QKI: variants seen among roughly 807,000 people sequenced by gnomAD.
QKI encodes the protein QKI, KH domain containing RNA binding.
A neutral mutation model predicts 39.0 loss-of-function variants in QKI; 10 were observed. The ratio of observed to expected loss-of-function variants is 0.26; its 90% CI spans 0.16 to 0.43. QKI has a LOEUF of 0.43. QKI is among the 20% of genes least tolerant of loss of function. The pLI is 1.00. For synonymous variants in QKI, 204 were observed against 155.4 expected (o/e 1.31, Z -2.33); for missense variants, 218 against 428.0 (o/e 0.51, Z 4.33).
intron 6 of QKI, chr6:163,565,142 G>GTT: frequency 1.0e-6 from 1 of 996,328 alleles, no homozygotes; most frequent in Non-Finnish European, 1.2e-6. Flanking sequence ...CCACAGAACT[G>GTT]TTTATGAGAG....
chr6:163,424,833 G>C (rs1788286668), intron 1 of QKI, among the ~76,000 whole-genome samples: 1 of 151,728 alleles, frequency 6.6e-6, no homozygotes, highest in Admixed American at 6.6e-5. Flanking sequence ...GTTTCACCAT[G>C]TTAGCCAGGC....
At chr6:163,570,582 T>C (rs540333194) in intron 7 of QKI, 112 bp from the exon 8 acceptor site, 1 of 1,552,970 alleles carries the variant, frequency 6.4e-7, no homozygotes, top group Admixed American at 2.0e-5. Flanking sequence ...TTTTTATTAG[T>C]TGTGATTAGT....
intron 3 of QKI, among the ~76,000 whole-genome samples, chr6:163,510,862 T>A (rs185540649): frequency 1.1e-3 from 63 of 57,132 alleles, no homozygotes; most frequent in African/African-American, 1.8e-3. Flanking sequence ...TTAATGTAAC[T>A]CTTTCAGCAA....
At chr6:163,454,840 G>C (rs1413700843) in intron 1 of QKI, among the ~76,000 whole-genome samples, 1 of 152,126 alleles carries the variant, frequency 6.6e-6, no homozygotes, top group Non-Finnish European at 1.5e-5. Flanking sequence ...TAATGGAAGT[G>C]GTCCCGTTTA....
intron 7 of QKI, chr6:163,569,527 A>G (rs1382088368): frequency 4.8e-6 from 6 of 1,238,888 alleles, no homozygotes; most frequent in African/African-American, 3.2e-5. Context: ...AAATTATACT[A>G]CTGTTAAGTG....
chr6:163,568,385 AT>A, intron 7 of QKI: 1 of 985,442 alleles, frequency 1.0e-6, no homozygotes, highest in Non-Finnish European at 1.2e-6. Flanking sequence ...GGAAGATTTT[AT>A]TGTATTTGGA....
chr6:163,515,970 T>G (rs930895096), intron 3 of QKI, among the ~76,000 whole-genome samples: 2 of 151,566 alleles, frequency 1.3e-5, no homozygotes, highest in Non-Finnish European at 2.9e-5. Context: ...CTCATTGTGA[T>G]GTAATCTGAT....
intron 3 of QKI, among the ~76,000 whole-genome samples, chr6:163,502,341 C>G (rs1159069489): frequency 2.0e-5 from 3 of 151,966 alleles, no homozygotes; most frequent in Admixed American, 2.0e-4. Flanking sequence ...ACAAAACAAA[C>G]AAACAAACAA....
chr6:163,571,376 ACTG>A lies in QKI; in HGVS notation c.*668_*670del, dbSNP rs1364331724. On this transcript the variant is annotated 3_prime_UTR_variant, in exon 8 of 8. Coordinates refer to ENST00000361752, the MANE Select transcript of QKI (RefSeq NM_006775.3). Reference sequence around the variant, plus strand: ...TTTGAAAAGTAATGCAAATAACAAAACTGCAACACTATTTTTAAAAAGATAAAT... The same window carrying A: ...TTTGAAAAGTAATGCAAATAACAAAACAACACTATTTTTAAAAAGATAAAT... The A allele has an allele frequency of 6.6e-6, 1 of 152,208 alleles. No individual in the cohort carries two copies. Among genetic ancestry groups the A allele is most frequent in the Non-Finnish European group, 1.5e-5 (1 of 68,044 alleles). 9.4% of individuals were successfully genotyped at this position (152,208 alleles called of 1,614,324 possible). A position where few individuals can be genotyped will look rare whatever the true frequency, so the allele number is the denominator to read the frequency against.
At chr6:163,462,578 T>C (rs1330833573) in intron 2 of QKI, among the ~76,000 whole-genome samples, 2 of 152,206 alleles carry the variant, frequency 1.3e-5, no homozygotes, top group Non-Finnish European at 2.9e-5. Flanking sequence ...ATAGTATAAA[T>C]TTGCCATGTT....
At chr6:163,532,239 T>C (rs1780908550) in intron 3 of QKI, among the ~76,000 whole-genome samples, 1 of 152,238 alleles carries the variant, frequency 6.6e-6, no homozygotes, top group Non-Finnish European at 1.5e-5. Context: ...TGTTCCTCAG[T>C]TTTCATTGTA....
intron 4 of QKI, among the ~76,000 whole-genome samples, chr6:163,552,631 G>A (rs949172513): frequency 6.6e-6 from 1 of 152,066 alleles, no homozygotes; most frequent in African/African-American, 2.4e-5. Flanking sequence ...GGACCTGCAT[G>A]GTTCAAGCCC....
At chr6:163,480,724 C>T (rs1338847336) in intron 3 of QKI, among the ~76,000 whole-genome samples, 4 of 152,042 alleles carry the variant, frequency 2.6e-5, no homozygotes, top group Non-Finnish European at 5.9e-5. Context: ...TTCAAATGAA[C>T]GTTGCCATGA....
intron 4 of QKI, among the ~76,000 whole-genome samples, chr6:163,545,486 C>G (rs529799434): frequency 1.2e-3 from 176 of 152,214 alleles, no homozygotes; most frequent in African/African-American, 4.0e-3. Context: ...CTATATAAAT[C>G]TTTGCTTACC....
intron 3 of QKI, among the ~76,000 whole-genome samples, chr6:163,519,062 G>A (rs967177355): frequency 1.3e-5 from 2 of 152,158 alleles, no homozygotes; most frequent in Non-Finnish European, 1.5e-5. Context: ...TCAGTGTGAA[G>A]ATCTGTTGGT....
intron 3 of QKI, among the ~76,000 whole-genome samples, chr6:163,513,251 C>T (rs1562501703): frequency 1.3e-5 from 2 of 152,032 alleles, no homozygotes; most frequent in Non-Finnish European, 1.5e-5. Flanking sequence ...TGATGATTAA[C>T]TAAAATGAAG....
Position 163,563,357 on chromosome 6 carries a change from C to T in QKI, c.635-63C>T, listed in dbSNP as rs972591445. 5 of 1,414,424 alleles carry T rather than the reference C, an allele frequency of 3.5e-6. No homozygotes were observed. The South Asian group carries it at 4.2e-5, about 12-fold the overall frequency. 87.6% of individuals were successfully genotyped at this position (1,414,424 alleles called of 1,614,324 possible). ...TCCTTTCTTTTTCCTACTCCCTTCT[C>T]ATTTTTCCGTATTTTATACTGCTGT... On this transcript the variant is annotated intron_variant, in intron 5 of 7. Transcript: ENST00000361752.
At chr6:163,442,021 T>C (rs1789794601) in intron 1 of QKI, among the ~76,000 whole-genome samples, 1 of 152,192 alleles carries the variant, frequency 6.6e-6, no homozygotes, top group African/African-American at 2.4e-5. Flanking sequence ...AATCAGACTA[T>C]CTTTGTGATA....
intron 1 of QKI, 82 bp from the exon 2 acceptor site, chr6:163,455,197 C>G: frequency 8.9e-7 from 1 of 1,125,774 alleles, no homozygotes; most frequent in Admixed American, 2.9e-5. Flanking sequence ...CAATGAAACC[C>G]TCCCCTGCCC....
Sources: gnomAD v4.1 joint callset for allele counts (sites outside exome capture counted in the v4.1 genomes callset) on GRCh38, gnomAD v4.1.1 for gene constraint, MANE v1.5 for transcripts, NCBI Gene and HGNC (gene_info 2026-07-23, HGNC 2026-07-21) for gene names.